FOCAD: variants seen among roughly 807,000 people sequenced by gnomAD.
The protein encoded by FOCAD is KIAA1797.
FOCAD carries 198 observed loss-of-function variants against 225.6 expected under a neutral mutation model. The observed-to-expected ratio is 0.88, with a 90% CI of 0.78 to 0.99. The LOEUF is 0.99. FOCAD is among the 50% of genes least tolerant of loss of function. The probability of loss-of-function intolerance (pLI) is 0.00; values close to 1 mark genes in which losing one functional copy is unlikely to be tolerated. For synonymous variants in FOCAD, 897 were observed against 755.0 expected (o/e 1.19, Z -3.08); for missense variants, 2,713 against 2,123.6 (o/e 1.28, Z -5.46).
chr9:20,707,722 G>T (rs1279888261), intron 1 of FOCAD, among the ~76,000 whole-genome samples: 1 of 152,186 alleles, frequency 6.6e-6, no homozygotes, highest in Non-Finnish European at 1.5e-5. Context: ...TGCTGTCTCA[G>T]GGGTGCCAGA....
intron 24 of FOCAD, among the ~76,000 whole-genome samples, chr9:20,920,116 G>GA (rs900155388): frequency 2.5e-4 from 38 of 151,318 alleles, no homozygotes; most frequent in African/African-American, 7.9e-4. Context: ...AAATTCACAA[G>GA]AAAAAAACAG....
chr9:20,833,844 C>G (rs527587492), intron 15 of FOCAD, among the ~76,000 whole-genome samples: 38 of 152,008 alleles, frequency 2.5e-4, no homozygotes, highest in Non-Finnish European at 4.9e-4. Flanking sequence ...ATTAAAAAGA[C>G]TGACAATACT....
At chr9:20,956,955 A>C (rs1838197347) in intron 35 of FOCAD, among the ~76,000 whole-genome samples, 1 of 152,062 alleles carries the variant, frequency 6.6e-6, no homozygotes, top group South Asian at 2.1e-4. Context: ...CGGCCTCCCA[A>C]AATGCTGGAA....
In FOCAD at chr9:20,769,769, A is replaced by G. The variant is rs149602847; in HGVS notation, c.700-263A>G. Among the ~76,000 whole-genome samples, 375 of 152,356 alleles carry G rather than the reference A, an allele frequency of 2.5e-3. 2 individuals are homozygous for G. Among genetic ancestry groups the G allele is most frequent in the African/African-American group, 8.6e-3 (356 of 41,586 alleles). On this transcript the variant is annotated intron_variant, in intron 7 of 43. Transcript: ENST00000338382. ...CTTGTTTTAAGACATCTGCACTCAG[A>G]CAAGCTAGAAAAATGAAAGAAAAGA...
At chr9:20,745,962 G>A (rs2131700939) in intron 5 of FOCAD, among the ~76,000 whole-genome samples, 1 of 152,234 alleles carries the variant, frequency 6.6e-6, no homozygotes, top group Admixed American at 6.5e-5. Context: ...TGGAGGGAGA[G>A]TTAAGTTTAA....
intron 34 of FOCAD, chr9:20,952,440 A>G (rs1171453865): frequency 1.3e-5 from 2 of 152,424 alleles, no homozygotes; most frequent in Non-Finnish European, 2.9e-5. Flanking sequence ...CATAAATGTC[A>G]CTGCTTCACC....
chr9:20,797,334 T>A (rs185576386), intron 11 of FOCAD, among the ~76,000 whole-genome samples: 5 of 152,278 alleles, frequency 3.3e-5, no homozygotes, highest in Admixed American at 2.6e-4. Flanking sequence ...TTTAAAGTAG[T>A]TTTTTCCAAT....
At chr9:20,724,217 A>AC (rs1386210022) in intron 4 of FOCAD, among the ~76,000 whole-genome samples, 1 of 152,120 alleles carries the variant, frequency 6.6e-6, no homozygotes, top group African/African-American at 2.4e-5. Flanking sequence ...AAATATATAA[A>AC]CAGCTTTCTA....
intron 1 of FOCAD, among the ~76,000 whole-genome samples, chr9:20,696,666 A>C (rs1001001319): frequency 6.6e-6 from 1 of 152,186 alleles, no homozygotes; most frequent in African/African-American, 2.4e-5. Context: ...TTAGCTGGGC[A>C]TGGTGGCGCA....
intron 1 of FOCAD, among the ~76,000 whole-genome samples, 158 bp from the exon 2 acceptor site, chr9:20,715,164 A>G (rs994179031): frequency 6.6e-6 from 1 of 152,158 alleles, no homozygotes; most frequent in African/African-American, 2.4e-5. Context: ...CTGGATGACA[A>G]TGAAGTTTTG....
chr9:20,903,980 A>T (rs1188536611), intron 21 of FOCAD, among the ~76,000 whole-genome samples: 1 of 151,562 alleles, frequency 6.6e-6, no homozygotes, highest in Admixed American at 6.6e-5. Context: ...GGCTTTACCT[A>T]TTCTGGATAT....
intron 11 of FOCAD, among the ~76,000 whole-genome samples, chr9:20,806,722 G>C (rs555455406): frequency 2.0e-5 from 3 of 152,052 alleles, no homozygotes; most frequent in East Asian, 1.9e-4. Flanking sequence ...AGCATTTTCT[G>C]TTACTAGATT....
chr9:20,829,166 G>A (rs574446657), intron 15 of FOCAD, among the ~76,000 whole-genome samples: 29 of 152,178 alleles, frequency 1.9e-4, no homozygotes, highest in African/African-American at 7.0e-4. Context: ...TAATGAAATT[G>A]CTGGGTCAGA....
intron 8 of FOCAD, among the ~76,000 whole-genome samples, chr9:20,772,270 A>C (rs1818317265): frequency 6.6e-6 from 1 of 152,104 alleles, no homozygotes; most frequent in South Asian, 2.1e-4. Context: ...GCTTGACTTG[A>C]GGTATGTATG....
chr9:20,940,744 A>C (rs1836566609), intron 28 of FOCAD, among the ~76,000 whole-genome samples: 1 of 152,232 alleles, frequency 6.6e-6, no homozygotes, highest in Admixed American at 6.5e-5. Context: ...ACAGATAAAG[A>C]ATGTGAGTCT....
In FOCAD at chr9:20,946,725, G is replaced by A; in HGVS notation, c.3580G>A (p.Val1194Ile). The change falls in exon 30 of 44, where the codon GTA becomes ATA. Residue 1194 changes from valine to isoleucine, a missense_variant. Val to Ile is a conservative substitution (Grantham distance 29). Coordinates refer to ENST00000338382, the MANE Select transcript of FOCAD (RefSeq NM_001375567.1). ...GGTCCTTGCCTACACACTTAGCTGT[G>A]TATGTACATCAGCGTTCAGTGCTGG... Reference protein sequence around the residue: ...QEVLAYTLSCVCTSAFSAGII... With the variant: ...QEVLAYTLSCICTSAFSAGII... 1 of 1,613,548 alleles carries A rather than the reference G, an allele frequency of 6.2e-7. No homozygotes were observed. The highest frequency in any genetic ancestry group is 8.5e-7 in the Non-Finnish European group (1 of 1,179,588).
chr9:20,951,213 A>G (rs546149841), intron 34 of FOCAD, 115 bp downstream of exon 34: 17 of 762,402 alleles, frequency 2.2e-5, no homozygotes, highest in African/African-American at 3.5e-5. Flanking sequence ...GGGTATTACC[A>G]TCTCTGTTTT....
At chr9:20,910,723 T>C (rs1258006253) in intron 22 of FOCAD, among the ~76,000 whole-genome samples, 1 of 152,066 alleles carries the variant, frequency 6.6e-6, no homozygotes, top group Non-Finnish European at 1.5e-5. Context: ...ATGACTGAGT[T>C]GAATGCTGCT....
At chr9:20,941,592 G>A (rs2132298324) in intron 28 of FOCAD, among the ~76,000 whole-genome samples, 1 of 152,208 alleles carries the variant, frequency 6.6e-6, no homozygotes, top group South Asian at 2.1e-4. Context: ...TAAGTTTCAG[G>A]ATTTCTTTTG....
Sources: allele counts gnomAD v4.1 joint callset (sites outside exome capture counted in the v4.1 genomes callset), GRCh38; gene constraint gnomAD v4.1.1; transcripts MANE v1.5; gene names NCBI Gene and HGNC (gene_info 2026-07-23, HGNC 2026-07-21).